ARHGEF33: variants seen among roughly 807,000 people sequenced by gnomAD.
ARHGEF33 encodes the protein Rho guanine nucleotide exchange factor 33, also known as DH and coiled-coil domain-containing protein ENSP00000381780.
ARHGEF33 carries 72 observed loss-of-function variants against 101.9 expected under a neutral mutation model. That is an observed-to-expected ratio of 0.71 (90% CI 0.58 to 0.86). The LOEUF is 0.86. Among genes scored for constraint, ARHGEF33 ranks in the 40% least tolerant of loss-of-function variants. ARHGEF33 has a pLI of 0.00. For missense variants in ARHGEF33, 1,169 were observed against 1,111.3 expected (o/e 1.05, Z -0.74); for synonymous variants, 499 against 442.5 (o/e 1.13, Z -1.60).
chr2:38,951,689 G>C (rs1667610924), intron 11 of ARHGEF33, among the ~76,000 whole-genome samples: 1 of 151,660 alleles, frequency 6.6e-6, no homozygotes, highest in Non-Finnish European at 1.5e-5. Flanking sequence ...ATGCATCTGT[G>C]TGTATATATA....
intron 9 of ARHGEF33, 133 bp from the exon 10 acceptor site, chr2:38,943,768 T>C (rs1667371045): frequency 8.3e-6 from 8 of 958,980 alleles, no homozygotes; most frequent in East Asian, 2.7e-5. Context: ...TTCTGCTTTC[T>C]ACCTTTCAAA....
chr2:38,909,372 A>G (rs367717120), intron 2 of ARHGEF33, among the ~76,000 whole-genome samples: 6 of 151,744 alleles, frequency 4.0e-5, no homozygotes, highest in African/African-American at 1.2e-4. Flanking sequence ...CCCAGGCTGG[A>G]GTGCAGTGGC....
chr2:38,910,654 C>G (rs765206498), intron 2 of ARHGEF33, among the ~76,000 whole-genome samples: 11 of 152,286 alleles, frequency 7.2e-5, no homozygotes, highest in Middle Eastern at 6.8e-3. Flanking sequence ...ATTTCATATT[C>G]TCTGAATTGG....
chr2:38,893,471 C>T (rs1454330448), intron 1 of ARHGEF33, among the ~76,000 whole-genome samples: 2 of 152,104 alleles, frequency 1.3e-5, no homozygotes, highest in Non-Finnish European at 2.9e-5. Flanking sequence ...CTCTGGTGAT[C>T]CCCTTTTGAC....
At chr2:38,951,836 G>T (rs1199786021) in intron 11 of ARHGEF33, among the ~76,000 whole-genome samples, 1 of 151,838 alleles carries the variant, frequency 6.6e-6, no homozygotes, top group Non-Finnish European at 1.5e-5. Context: ...GTGATGGGTG[G>T]CTATTATCTT....
chr2:38,957,632 A>G (rs779427087), intron 14 of ARHGEF33, among the ~76,000 whole-genome samples: 1 of 152,224 alleles, frequency 6.6e-6, no homozygotes, highest in Non-Finnish European at 1.5e-5. Flanking sequence ...GGAGGATCTG[A>G]GCTTCGGAGG....
intron 13 of ARHGEF33, among the ~76,000 whole-genome samples, chr2:38,955,481 C>CTTTT (rs3085350): frequency 0.072 from 5,129 of 71,158 alleles, 1,098 homozygotes; most frequent in South Asian, 0.084. Context: ...ATTGAAAAGA[C>CTTTT]TTTTTTTTTT....
intron 8 of ARHGEF33, among the ~76,000 whole-genome samples, chr2:38,936,091 A>G (rs760758843): frequency 4.6e-5 from 7 of 152,234 alleles, no homozygotes; most frequent in Non-Finnish European, 1.0e-4. Flanking sequence ...TTCAATGACT[A>G]ATAAATTCAC....
rs772627967 is a variant in ARHGEF33, at chr2:38,950,987, A to T, written c.921-2A>T. On this transcript the variant is annotated splice_acceptor_variant, in intron 10 of 17. Coordinates refer to ENST00000409978, the MANE Select transcript of ARHGEF33 (RefSeq NM_001145451.5). LOFTEE classifies it high-confidence loss of function. ...GTGATTCCGTCTCTATTCTGTTTCA[A>T]GCCTCTTCCCTGGCTCTTTACGGTA... The T allele has an allele frequency of 6.4e-7, 1 of 1,551,840 alleles. No homozygotes were observed. Among genetic ancestry groups the T allele is most frequent in the Non-Finnish European group, 8.7e-7 (1 of 1,147,028 alleles).
chr2:38,892,504 AG>A (rs1050947223), intron 1 of ARHGEF33, among the ~76,000 whole-genome samples: 2 of 152,162 alleles, frequency 1.3e-5, no homozygotes, highest in Admixed American at 1.3e-4. Context: ...TGGGAAAGAA[AG>A]GATGGTTGTA....
chr2:38,955,480 A>AATTT, intron 13 of ARHGEF33, among the ~76,000 whole-genome samples: 1 of 34,854 alleles, frequency 2.9e-5, no homozygotes. Context: ...TATTGAAAAG[A>AATTT]CTTTTTTTTT....
chr2:38,954,321 C>T (rs1667686939), intron 12 of ARHGEF33, 52 bp from the exon 13 acceptor site: 1 of 1,121,618 alleles, frequency 8.9e-7, no homozygotes, highest in South Asian at 1.3e-5. Flanking sequence ...CGAGGTTCTG[C>T]TGCCACAGCT....
At chr2:38,935,716 AG>A in intron 7 of ARHGEF33, 58 bp from the exon 8 acceptor site, 1 of 1,396,244 alleles carries the variant, frequency 7.2e-7, no homozygotes, top group Non-Finnish European at 9.9e-7. Flanking sequence ...GGCTCGTGGA[AG>A]GTGCTTAGTC....
rs1045492555 is a variant in ARHGEF33, at chr2:38,930,150, G to A, written c.362+320G>A. Among the ~76,000 whole-genome samples, 3 of 152,160 alleles carry A rather than the reference G, an allele frequency of 2.0e-5. No homozygotes were observed. In the East Asian group the frequency reaches 5.8e-4, roughly 29 times the overall value. On this transcript the variant is annotated intron_variant, in intron 6 of 17. Coordinates refer to ENST00000409978, the MANE Select transcript of ARHGEF33 (RefSeq NM_001145451.5). ...TTAAAAATAATGATAGTTGTGTTAA[G>A]ATAGTGGCACCATCAGTGATTTTCT... is the stretch of plus-strand genomic sequence containing the variant.
At position 38,974,464 on chromosome 2, in the gene ARHGEF33, C is replaced by T; in HGVS notation, c.*621C>T. Reference sequence around the variant, plus strand: ...GTTCAAAGCTTAAAAACACATTGATCTCCAAACTTGTTCTGTGGTTATGGA... The same window carrying T: ...GTTCAAAGCTTAAAAACACATTGATTTCCAAACTTGTTCTGTGGTTATGGA... On this transcript the variant is annotated 3_prime_UTR_variant, in exon 18 of 18. Transcript: ENST00000409978. 6.6e-6 allele frequency: 1 copy of T among 152,172 alleles called. No individual in the cohort carries two copies. Among genetic ancestry groups the T allele is most frequent in the East Asian group, 1.9e-4 (1 of 5,202 alleles). The allele number at this position is 152,172 out of a possible 1,614,324, so 9.4% of individuals were successfully genotyped here. A position where few individuals can be genotyped will look rare whatever the true frequency, so the allele number is the denominator to read the frequency against.
At position 38,928,854 on chromosome 2, in the gene ARHGEF33, G is replaced by T. The variant is rs1360662100; in HGVS notation, c.76-53G>T. The T allele has an allele frequency of 5.4e-6, 8 of 1,481,400 alleles. No homozygotes were observed. The African/African-American group carries it at 9.9e-5, about 18-fold the overall frequency. The allele number at this position is 1,481,400 out of a possible 1,614,324, so 91.8% of individuals were successfully genotyped here. ...AAAGAAAAATTCAAGGTCCAATGGT[G>T]CCACTTACAGTAATTTCCAGCAAAT... On this transcript the variant is annotated intron_variant, in intron 4 of 17. Transcript: ENST00000409978.
rs1666982771 is a variant in ARHGEF33 at position 38,930,838 on chromosome 2, G to A, written c.363-271G>A. ...CAAACTCTAAAGATCCCGATGATAA[G>A]GAAGCCAGCAACAAAAAAATAAGAA... On this transcript the variant is annotated intron_variant, in intron 6 of 17. Transcript: ENST00000409978. 2.0e-5 allele frequency among the ~76,000 whole-genome samples: 3 copies of A among 152,208 alleles called. No homozygotes were observed. The South Asian group carries it at 6.2e-4, about 32-fold the overall frequency.
chr2:38,908,092 T>G lies in ARHGEF33; in HGVS notation c.-85-11271T>G, dbSNP rs201940629. Among the ~76,000 whole-genome samples the G allele has an allele frequency of 1.1e-4, 16 of 152,250 alleles. No individual in the cohort carries two copies. In the East Asian group the frequency reaches 2.3e-3, roughly 22 times the overall value. ...GTTGCCCAGATTGGTCTTGAACTCC[T>G]GGGCTCAAATGACTCTTTTGCCTCA... On this transcript the variant is annotated intron_variant, in intron 2 of 17. Transcript: ENST00000409978.
At position 38,951,171 on chromosome 2, in the gene ARHGEF33, C is replaced by T. The variant is rs1279389033; in HGVS notation, c.1053+50C>T. 7 of 1,520,090 alleles carry T rather than the reference C, an allele frequency of 4.6e-6. No homozygotes were observed. In the Admixed American group the frequency reaches 1.4e-4, roughly 31 times the overall value. The allele number at this position is 1,520,090 out of a possible 1,614,324, so 94.2% of individuals were successfully genotyped here. A position where few individuals can be genotyped will look rare whatever the true frequency, so the allele number is the denominator to read the frequency against. ...ACATTTTACTTATACGGATTTGTGT[C>T]TCATTTGTCTACTTCTCTTAATAGA... is the stretch of plus-strand genomic sequence containing the variant. On this transcript the variant is annotated intron_variant, in intron 11 of 17. Transcript: ENST00000409978.
Sources: gnomAD v4.1 joint callset for allele counts (sites outside exome capture counted in the v4.1 genomes callset) on GRCh38, gnomAD v4.1.1 for gene constraint, MANE v1.5 for transcripts, NCBI Gene and HGNC (gene_info 2026-07-23, HGNC 2026-07-21) for gene names.